The following SNTG1 variants were observed in gnomAD, a reference collection of about 807,000 sequenced individuals.
SNTG1 encodes the protein syntrophin gamma 1.
SNTG1 carries 39 observed loss-of-function variants against 74.7 expected under a neutral mutation model. The ratio of observed to expected loss-of-function variants is 0.52; its 90% CI spans 0.40 to 0.68. The LOEUF (loss-of-function observed/expected upper bound fraction) is 0.68. Ranked by LOEUF, SNTG1 falls within the 30% of genes least tolerant of loss-of-function variation. SNTG1 has a pLI of 0.00. For synonymous variants in SNTG1, 254 were observed against 217.1 expected (o/e 1.17, Z -1.49); for missense variants, 685 against 609.5 (o/e 1.12, Z -1.30).
chr8:50,555,770 A>G (rs1253102665), intron 12 of SNTG1, among the ~76,000 whole-genome samples: 1 of 152,198 alleles, frequency 6.6e-6, no homozygotes, highest in Admixed American at 6.5e-5. Context: ...TAAAATGCAT[A>G]TAAAATAATA....
chr8:50,068,552 C>T (rs762366872), intron 1 of SNTG1, among the ~76,000 whole-genome samples: 7 of 152,156 alleles, frequency 4.6e-5, no homozygotes, highest in Admixed American at 6.5e-5. Context: ...CAGGACAGTT[C>T]CTAGACCCTT....
At chr8:50,487,295 C>G (rs940289871) in intron 8 of SNTG1, among the ~76,000 whole-genome samples, 2 of 152,152 alleles carry the variant, frequency 1.3e-5, no homozygotes, top group African/African-American at 4.8e-5. Context: ...CCTTAGAGAT[C>G]TAGAATTAGA....
At chr8:50,427,366 T>C (rs1212716806) in intron 4 of SNTG1, among the ~76,000 whole-genome samples, 1 of 152,196 alleles carries the variant, frequency 6.6e-6, no homozygotes, top group Non-Finnish European at 1.5e-5. Context: ...AAAAACTGTA[T>C]TGAAGACACT....
rs2095183263 is a variant in SNTG1 at position 50,656,624 on chromosome 8, T to TA, written c.850-284dup. Among the ~76,000 whole-genome samples the TA allele has an allele frequency of 3.9e-5, 6 of 152,294 alleles. No homozygotes were observed. The South Asian group carries it at 1.2e-3, about 32-fold the overall frequency. The stretch of plus-strand genomic sequence containing the variant: ...AAGTATTTTTTTCTGTAAGAATTGA[T>TA]AGAGTGGGAAATATAATCCATGGCA... On this transcript the variant is annotated intron_variant, in intron 13 of 18. Coordinates refer to ENST00000642720, the MANE Select transcript of SNTG1 (RefSeq NM_018967.5).
Position 50,437,997 on chromosome 8 carries a change from C to T in SNTG1, c.163-546C>T, listed in dbSNP as rs542220535. Among the ~76,000 whole-genome samples, 15 of 152,220 alleles carry T rather than the reference C, an allele frequency of 9.9e-5. No individual in the cohort carries two copies. In the East Asian group the frequency reaches 2.7e-3, roughly 27 times the overall value. ...TTATTACTTAGATGTGTAATTTATT[C>T]ATTTTATGAACAAGCAATTAGTTTA... On this transcript the variant is annotated intron_variant, in intron 4 of 18. Transcript: ENST00000642720.
intron 13 of SNTG1, among the ~76,000 whole-genome samples, chr8:50,642,575 GC>G (rs1285223148): frequency 6.6e-6 from 1 of 152,024 alleles, no homozygotes; most frequent in Non-Finnish European, 1.5e-5. Flanking sequence ...GTCCTGGCAA[GC>G]CCTTGTATTT....
At chr8:49,939,897 T>G (rs1808527693) in intron 1 of SNTG1, among the ~76,000 whole-genome samples, 1 of 152,158 alleles carries the variant, frequency 6.6e-6, no homozygotes, top group Non-Finnish European at 1.5e-5. Context: ...TTTTCTGCCT[T>G]TTACTTAAAA....
At chr8:50,245,598 C>A (rs951705388) in intron 2 of SNTG1, among the ~76,000 whole-genome samples, 2 of 151,912 alleles carry the variant, frequency 1.3e-5, no homozygotes, top group African/African-American at 2.4e-5. Flanking sequence ...CAGGAGAATC[C>A]CTTGAACCCA....
intron 1 of SNTG1, among the ~76,000 whole-genome samples, chr8:50,047,337 A>G (rs1331479654): frequency 6.6e-6 from 1 of 152,102 alleles, no homozygotes. Flanking sequence ...ATGCTGCCAA[A>G]AAAAAAAATT....
intron 2 of SNTG1, among the ~76,000 whole-genome samples, chr8:50,276,373 T>TTATATATATA (rs6150576): frequency 2.4e-3 from 339 of 143,310 alleles, no homozygotes; most frequent in African/African-American, 8.1e-3. Flanking sequence ...CAAGTAAATT[T>TTATATATATA]TATATATATA....
intron 18 of SNTG1, among the ~76,000 whole-genome samples, chr8:50,762,258 A>C (rs1249067658): frequency 6.6e-6 from 1 of 152,016 alleles, no homozygotes; most frequent in Non-Finnish European, 1.5e-5. Context: ...TATCTTTAGA[A>C]GGGGTGAATA....
intron 9 of SNTG1, among the ~76,000 whole-genome samples, chr8:50,513,514 G>T (rs1361109984): frequency 2.0e-5 from 3 of 152,232 alleles, no homozygotes; most frequent in African/African-American, 7.2e-5. Context: ...GCCCCCAGTG[G>T]CGGAGCCTAC....
chr8:49,922,146 G>A (rs1034326517), intron 1 of SNTG1, among the ~76,000 whole-genome samples: 1 of 152,060 alleles, frequency 6.6e-6, no homozygotes, highest in Non-Finnish European at 1.5e-5. Flanking sequence ...TCAATGACCT[G>A]GAAGATAAAC....
At chr8:50,544,589 A>AT (rs1246223894) in intron 11 of SNTG1, among the ~76,000 whole-genome samples, 1 of 152,122 alleles carries the variant, frequency 6.6e-6, no homozygotes, top group Non-Finnish European at 1.5e-5. Context: ...CAAGAAAGGA[A>AT]TTGTCTGAAT....
intron 15 of SNTG1, among the ~76,000 whole-genome samples, chr8:50,670,136 C>G (rs372624831): frequency 6.6e-6 from 1 of 152,156 alleles, no homozygotes; most frequent in Non-Finnish European, 1.5e-5. Context: ...TGGCACAAGA[C>G]AGGGATGCCC....
intron 17 of SNTG1, among the ~76,000 whole-genome samples, chr8:50,745,307 T>C (rs2095552706): frequency 6.6e-6 from 1 of 151,994 alleles, no homozygotes; most frequent in Non-Finnish European, 1.5e-5. Context: ...CCAACATCAC[T>C]AGCCATTAGT....
chr8:50,608,465 A>G (rs1269892073), intron 13 of SNTG1, among the ~76,000 whole-genome samples: 2 of 151,734 alleles, frequency 1.3e-5, no homozygotes, highest in African/African-American at 4.8e-5. Flanking sequence ...CTTTTTCTGT[A>G]TAATATTTCT....
At chr8:50,785,113 C>G (rs1171242389) in intron 18 of SNTG1, among the ~76,000 whole-genome samples, 2 of 151,440 alleles carry the variant, frequency 1.3e-5, no homozygotes, top group Non-Finnish European at 1.5e-5. Flanking sequence ...TCTTAAATAC[C>G]TAATCTTTCT....
At chr8:50,758,186 T>C (rs968482705) in intron 18 of SNTG1, among the ~76,000 whole-genome samples, 1 of 151,872 alleles carries the variant, frequency 6.6e-6, no homozygotes, top group African/African-American at 2.4e-5. Flanking sequence ...TTGTGGTATA[T>C]TAATCATAGT....
Sources: allele counts gnomAD v4.1 joint callset (sites outside exome capture counted in the v4.1 genomes callset), GRCh38; gene constraint gnomAD v4.1.1; transcripts MANE v1.5; gene names NCBI Gene and HGNC (gene_info 2026-07-23, HGNC 2026-07-21).